Variants in ACACB observed in about 807,000 individuals in gnomAD.
ACACB encodes acetyl-CoA carboxylase 2.
In ACACB, 209 loss-of-function variants were observed where a neutral mutation model predicts 278.8. The ratio of observed to expected loss-of-function variants is 0.75; its 90% CI spans 0.67 to 0.84. The LOEUF is 0.84. ACACB is among the 40% of genes least tolerant of loss of function. The pLI, the probability that ACACB is intolerant of heterozygous loss-of-function variation, is 0.00. For missense variants in ACACB, 2,850 were observed against 3,269.0 expected (o/e 0.87, Z 3.13); for synonymous variants, 1,174 against 1,285.6 (o/e 0.91, Z 1.86).
At chr12:109,227,280 T>C in intron 27 of ACACB, 91 bp from the exon 28 acceptor site, 1 of 1,133,970 alleles carries the variant, frequency 8.8e-7, no homozygotes, top group Admixed American at 2.1e-5. Context: ...AGAGGTCATT[T>C]CTGGTACCTG....
Position 109,139,870 on chromosome 12 carries a change from A to C in ACACB, c.465A>C (p.Ala155=). 6.2e-7 allele frequency: 1 copy of C among 1,614,184 alleles called. No individual in the cohort carries two copies. Among genetic ancestry groups the C allele is most frequent in the Non-Finnish European group, 8.5e-7 (1 of 1,180,022 alleles). ...GSPSKEDKKQ[A]NIKRQLMTNF... ...CCTCCAAAGAAGACAAGAAGCAGGCAAACATCAAGAGGCAGCTGATGACCA... is the reference window on the plus strand; with the variant it reads ...CCTCCAAAGAAGACAAGAAGCAGGCCAACATCAAGAGGCAGCTGATGACCA... The change falls in exon 2 of 53, where the codon GCA becomes GCC. Residue 155 remains alanine, a synonymous_variant. Transcript: ENST00000338432.
rs1227569946 is a variant in ACACB, at chr12:109,210,116, T to C, written c.3249+763T>C. Among the ~76,000 whole-genome samples the C allele has an allele frequency of 3.5e-5, 4 of 113,130 alleles. 2 individuals are homozygous for C. The highest frequency in any genetic ancestry group is 5.9e-4 in the East Asian group (2 of 3,386). The allele number at this position is 113,130 out of a possible 152,430, so 74.2% of individuals were successfully genotyped here. ...ACACATGTGTGTGTATATGTATATA[T>C]ACACGTACATGTATGTGTGTATATA... On this transcript the variant is annotated intron_variant, in intron 21 of 52. Coordinates refer to ENST00000338432, the MANE Select transcript of ACACB (RefSeq NM_001093.4).
In ACACB at chr12:109,199,382, C is replaced by G. The variant is rs766723564; in HGVS notation, c.2628-20C>G. On this transcript the variant is annotated intron_variant, in intron 17 of 52. Transcript: ENST00000338432. ...GGTAGTCCTCATCAGTCTCCCTACC[C>G]GACTCCTCCTCTCTCCCAGTTACCG... 1 of 1,458,554 alleles carries G rather than the reference C, an allele frequency of 6.9e-7. No homozygotes were observed. Among genetic ancestry groups the G allele is most frequent in the African/African-American group, 1.4e-5 (1 of 69,336 alleles). 90.4% of individuals were successfully genotyped at this position (1,458,554 alleles called of 1,614,324 possible).
chr12:109,146,839 T>C (rs1640397675), intron 2 of ACACB, among the ~76,000 whole-genome samples: 1 of 152,096 alleles, frequency 6.6e-6, no homozygotes, highest in African/African-American at 2.4e-5. Flanking sequence ...CACAGCTGGC[T>C]AATTTTTTTA....
At position 109,216,632 on chromosome 12, in the gene ACACB, T is replaced by C. The variant is rs2046007944; in HGVS notation, c.3365T>C (p.Ile1122Thr). 6.2e-7 allele frequency: 1 copy of C among 1,613,994 alleles called. No individual in the cohort carries two copies. The highest frequency in any genetic ancestry group is 8.5e-7 in the Non-Finnish European group (1 of 1,180,000). ...CTTCTCCCCAGATACCGCAGCGGGA[T>C]CCGCGGCTATATGAAAACAGTGGTG... Reference protein sequence around the residue: ...VQLVQRYRSGIRGYMKTVVLD... With the variant: ...VQLVQRYRSGTRGYMKTVVLD... Residue 1122 changes from isoleucine (I) to threonine (T), a missense_variant, in exon 23 of 53, where the codon ATC (isoleucine) becomes ACC (threonine). Ile to Thr is a moderately conservative substitution (Grantham distance 89). Transcript: ENST00000338432.
Position 109,139,922 on chromosome 12 carries a change from T to C in ACACB, c.517T>C (p.Tyr173His), listed in dbSNP as rs753949478. 33 of 1,614,052 alleles carry C rather than the reference T, an allele frequency of 2.0e-5. No homozygotes were observed. The highest frequency in any genetic ancestry group is 2.6e-5 in the Non-Finnish European group (31 of 1,180,034). Residue 173 changes from tyrosine (Y) to histidine (H), a missense_variant, in exon 2 of 53, where the codon TAC becomes CAC. Tyr to His is a moderately conservative substitution (Grantham distance 83). This residue lies in a region of ACACB where 2,265 missense variants were observed against 2,561.3 expected (regional missense o/e 0.88). Transcript: ENST00000338432. ...TNFILGSFDD[Y>H]SSDEDSVAGS... ...CTTCATCCTGGGCTCTTTTGATGAC[T>C]ACTCCTCCGACGAGGACTCTGTTGC...
At chr12:109,175,814 C>T (rs949466698) in intron 7 of ACACB, 117 bp from the exon 8 acceptor site, 11 of 784,748 alleles carry the variant, frequency 1.4e-5, no homozygotes, top group Admixed American at 4.6e-5. Context: ...GTCTGTATTC[C>T]GCTGGTCCAG....
At chr12:109,236,000 A>C (rs1378105969) in intron 33 of ACACB, 1 of 188,718 alleles carries the variant, frequency 5.3e-6, no homozygotes, top group Non-Finnish European at 1.1e-5. Flanking sequence ...CTCTGTCTCA[A>C]AAAAAAGGAA....
chr12:109,228,000 C>G (rs1056699164), intron 28 of ACACB, among the ~76,000 whole-genome samples: 2 of 149,658 alleles, frequency 1.3e-5, no homozygotes. Flanking sequence ...CCCCACTGCA[C>G]TCCAGCCTGG....
chr12:109,178,912 C>T (rs1177291386), intron 9 of ACACB, among the ~76,000 whole-genome samples, 176 bp from the exon 10 acceptor site: 2 of 152,168 alleles, frequency 1.3e-5, no homozygotes, highest in Non-Finnish European at 2.9e-5. Flanking sequence ...ACTGTGGAGT[C>T]GGGACTCCAC....
chr12:109,256,934 A>G (rs1057337411), intron 45 of ACACB, among the ~76,000 whole-genome samples: 1 of 152,214 alleles, frequency 6.6e-6, no homozygotes, highest in Non-Finnish European at 1.5e-5. Context: ...CATACTCCAT[A>G]AGTGGGAATG....
rs768764363 is a variant in ACACB, at chr12:109,253,008, A to G, written c.5902-7A>G. On this transcript the variant is annotated splice_polypyrimidine_tract_variant and splice_region_variant and intron_variant, in intron 42 of 52. Coordinates refer to ENST00000338432, the MANE Select transcript of ACACB (RefSeq NM_001093.4). ...AGGACATTGCTAACCATGTTGTGTCAAAGCAGGTCCTGGGAAGAGAGGTCT... is the reference window on the plus strand; with the variant it reads ...AGGACATTGCTAACCATGTTGTGTCGAAGCAGGTCCTGGGAAGAGAGGTCT... The G allele has an allele frequency of 1.9e-6, 3 of 1,598,822 alleles. No individual in the cohort carries two copies. The highest frequency in any genetic ancestry group is 2.6e-6 in the Non-Finnish European group (3 of 1,172,034).
chr12:109,242,393 T>C lies in ACACB; in HGVS notation c.5023-44T>C, dbSNP rs756610287. On this transcript the variant is annotated intron_variant, in intron 36 of 52. Transcript: ENST00000338432. ...GGGCAGAAATAAATTGGGGGAGATGTGTGATTCTCTCTCACTCTCTGTTTT... is the reference window on the plus strand; with the variant it reads ...GGGCAGAAATAAATTGGGGGAGATGCGTGATTCTCTCTCACTCTCTGTTTT... The C allele has an allele frequency of 7.5e-6, 12 of 1,591,736 alleles. No individual in the cohort carries two copies. The South Asian group carries it at 7.8e-5, about 10-fold the overall frequency.
In ACACB at chr12:109,260,570, A is replaced by G. The variant is rs1305513603; in HGVS notation, c.6587A>G (p.Tyr2196Cys). The G allele has an allele frequency of 3.1e-6, 5 of 1,613,824 alleles. No homozygotes were observed. In the African/African-American group the frequency reaches 4.0e-5, roughly 13 times the overall value. Reference protein sequence around the residue: ...KQPILIYIPPYAELRGGSWVV... With the variant: ...KQPILIYIPPCAELRGGSWVV... ...CCCATCCTGATCTATATCCCGCCCT[A>G]TGCGGAGCTCCGGGGAGGCTCCTGG... The change falls in exon 48 of 53, where the codon TAT (tyrosine) becomes TGT (cysteine). Residue 2196 changes from tyrosine to cysteine, a missense_variant. Tyr to Cys is a radical substitution (Grantham distance 194). Coordinates refer to ENST00000338432, the MANE Select transcript of ACACB (RefSeq NM_001093.4).
intron 24 of ACACB, among the ~76,000 whole-genome samples, chr12:109,220,334 G>A (rs1224780155): frequency 6.6e-6 from 1 of 152,166 alleles, no homozygotes; most frequent in Non-Finnish European, 1.5e-5. Flanking sequence ...TACCTGAGAG[G>A]TTTTGAACAA....
chr12:109,193,856 A>T, intron 16 of ACACB, 127 bp downstream of exon 16: 1 of 781,664 alleles, frequency 1.3e-6, no homozygotes, highest in South Asian at 1.7e-5. Flanking sequence ...GTTCCTCGGG[A>T]ATCCCCATGT....
At chr12:109,154,364 C>T (rs141199619) in intron 2 of ACACB, among the ~76,000 whole-genome samples, 1 of 152,370 alleles carries the variant, frequency 6.6e-6, no homozygotes, top group East Asian at 1.9e-4. Flanking sequence ...GGCACAGTGG[C>T]GACCTCTGAC....
At chr12:109,213,478 G>A (rs923987805) in intron 22 of ACACB, among the ~76,000 whole-genome samples, 1 of 152,198 alleles carries the variant, frequency 6.6e-6, no homozygotes, top group African/African-American at 2.4e-5. Flanking sequence ...TGCAAAAATT[G>A]TTATTGTGGC....
Position 109,199,335 on chromosome 12 carries a change from C to T in ACACB, c.2628-67C>T, listed in dbSNP as rs544659129. ...TAGGAAGGGGAAATGGTATTGAAAG[C>T]CGGACTAGGGCTTGCTGAGTTGGTA... is the stretch of plus-strand genomic sequence containing the variant. On this transcript the variant is annotated intron_variant, in intron 17 of 52. Transcript: ENST00000338432. 6.2e-4 allele frequency: 801 copies of T among 1,292,536 alleles called. 7 individuals carry two copies. The African/African-American group carries it at 0.011, about 18-fold the overall frequency. 80.1% of individuals were successfully genotyped at this position (1,292,536 alleles called of 1,614,324 possible).
Sources: gnomAD v4.1 joint callset for allele counts (sites outside exome capture counted in the v4.1 genomes callset) on GRCh38, gnomAD v4.1.1 for gene constraint, gnomAD v4.1.1 regional missense constraint, MANE v1.5 for transcripts, NCBI Gene and HGNC (gene_info 2026-07-23, HGNC 2026-07-21) for gene names.